Variants in MICU3 observed in about 807,000 individuals in gnomAD.
MICU3 encodes the protein mitochondrial calcium uptake 3, also known as calcium uptake protein 3, mitochondrial.
MICU3 carries 62 observed loss-of-function variants against 66.5 expected under a neutral mutation model. The ratio of observed to expected loss-of-function variants is 0.93; its 90% confidence interval spans 0.76 to 1.15. The LOEUF is 1.15. Ranked by LOEUF, MICU3 falls within the 50% of genes most tolerant of loss-of-function variation. The pLI is 0.00. For missense variants in MICU3, 779 were observed against 664.4 expected (o/e 1.17, Z -1.90); for synonymous variants, 308 against 240.7 (o/e 1.28, Z -2.59).
chr8:17,070,398 G>C (rs1036330566), intron 3 of MICU3, among the ~76,000 whole-genome samples: 1 of 151,976 alleles, frequency 6.6e-6, no homozygotes, highest in East Asian at 1.9e-4. Context: ...AATTCTATTT[G>C]TATAAAGTCC....
In MICU3 at chr8:17,086,996, G is replaced by A. The variant is rs578221124; in HGVS notation, c.810G>A (p.Lys270=). 6.2e-7 allele frequency: 1 copy of A among 1,606,662 alleles called. No individual in the cohort carries two copies. The highest frequency in any genetic ancestry group is 1.7e-5 in the Admixed American group (1 of 59,726). ...LQEIFRKKNE[K]REIKGDEEKR... Reference sequence around the variant, plus strand: ...AGATATTCAGGAAAAAAAATGAAAAGAGAGAAATTAAAGGAGATGAAGAAA... The same window carrying A: ...AGATATTCAGGAAAAAAAATGAAAAAAGAGAAATTAAAGGAGATGAAGAAA... Residue 270 remains lysine, a synonymous_variant, in exon 7 of 15, where the codon AAG becomes AAA. Coordinates refer to ENST00000318063, the MANE Select transcript of MICU3 (RefSeq NM_181723.3).
chr8:17,034,178 GT>G (rs1441347142), intron 1 of MICU3, among the ~76,000 whole-genome samples: 4 of 152,304 alleles, frequency 2.6e-5, no homozygotes, highest in East Asian at 1.9e-4. Context: ...CCTGTGTTAT[GT>G]TAGGGGGACT....
At chr8:17,081,231 A>T (rs932218534) in intron 4 of MICU3, among the ~76,000 whole-genome samples, 4 of 152,156 alleles carry the variant, frequency 2.6e-5, no homozygotes, top group Non-Finnish European at 4.4e-5. Flanking sequence ...AATGCGAAAC[A>T]TCACATTTCT....
chr8:17,118,598 T>C lies in MICU3; in HGVS notation c.1525-109T>C, dbSNP rs192496997. 52 of 657,048 alleles carry C rather than the reference T, an allele frequency of 7.9e-5. No homozygotes were observed. The African/African-American group carries it at 9.1e-4, about 11-fold the overall frequency. 40.7% of individuals were successfully genotyped at this position (657,048 alleles called of 1,614,324 possible). ...GCCTTCCAGCCTCTGGTAATTAACA[T>C]TCTACTCTCCACTTCTATGAGTTTG... On this transcript the variant is annotated intron_variant, in intron 13 of 14. Coordinates refer to ENST00000318063, the MANE Select transcript of MICU3 (RefSeq NM_181723.3).
chr8:17,079,797 A>T (rs1820902165), intron 4 of MICU3, among the ~76,000 whole-genome samples: 1 of 152,090 alleles, frequency 6.6e-6, no homozygotes, highest in South Asian at 2.1e-4. Flanking sequence ...GCCTGGCTAA[A>T]GACTAATTTT....
chr8:17,137,705 C>CTTTT, the MICU3 span, among the ~76,000 whole-genome samples: 4 of 102,882 alleles, frequency 3.9e-5, no homozygotes, highest in African/African-American at 6.6e-5. Context: ...TTTTCTTTTC[C>CTTTT]TTTTTTTTTT....
chr8:17,075,881 C>T (rs1438678717), intron 3 of MICU3, among the ~76,000 whole-genome samples: 1 of 150,296 alleles, frequency 6.7e-6, no homozygotes, highest in East Asian at 1.9e-4. Context: ...CAGTCTTACA[C>T]TGTAGCTGAG....
chr8:17,033,577 C>G (rs1477368134), intron 1 of MICU3, among the ~76,000 whole-genome samples: 3 of 152,186 alleles, frequency 2.0e-5, no homozygotes, highest in South Asian at 4.2e-4. Flanking sequence ...GCTGGGACTG[C>G]AGGCTCCCAC....
chr8:17,111,832 A>G (rs112553930), intron 11 of MICU3, among the ~76,000 whole-genome samples: 1 of 152,314 alleles, frequency 6.6e-6, no homozygotes, highest in African/African-American at 2.4e-5. Context: ...CACTGCTATA[A>G]AGAGATGCTT....
chr8:17,101,693 A>T (rs954455420), intron 9 of MICU3, among the ~76,000 whole-genome samples: 1 of 151,916 alleles, frequency 6.6e-6, no homozygotes, highest in Non-Finnish European at 1.5e-5. Flanking sequence ...TAATTATGTT[A>T]TCTGAATTCA....
the MICU3 span, among the ~76,000 whole-genome samples, chr8:17,133,917 T>C: frequency 6.6e-6 from 1 of 152,230 alleles, no homozygotes; most frequent in African/African-American, 2.4e-5. Flanking sequence ...CTACATTGTT[T>C]TACTTACTTT....
At chr8:17,046,054 A>G (rs895383232) in intron 1 of MICU3, among the ~76,000 whole-genome samples, 1 of 152,206 alleles carries the variant, frequency 6.6e-6, no homozygotes, top group African/African-American at 2.4e-5. Context: ...TAATAAGCCG[A>G]TAAATGTAAG....
At chr8:17,042,931 ATTTTTTTTTTTTTT>A (rs996846253) in intron 1 of MICU3, among the ~76,000 whole-genome samples, 6 of 82,158 alleles carry the variant, frequency 7.3e-5, no homozygotes, top group Non-Finnish European at 1.1e-4. Flanking sequence ...ATTCAAAGTG[ATTTTTTTTTTTTTT>A]TTTTTTTTTT....
chr8:17,132,777 T>C, the MICU3 span: 2 of 152,206 alleles, frequency 1.3e-5, no homozygotes, highest in East Asian at 1.9e-4. Flanking sequence ...ATTCTGCAAG[T>C]GTGTTATTAG....
intron 1 of MICU3, among the ~76,000 whole-genome samples, chr8:17,060,414 T>G (rs1190211142): frequency 1.3e-5 from 2 of 152,060 alleles, no homozygotes; most frequent in Non-Finnish European, 2.9e-5. Flanking sequence ...TTCAAGTGAT[T>G]CTCCTGCCTC....
At chr8:17,081,283 A>G (rs1473779316) in intron 4 of MICU3, among the ~76,000 whole-genome samples, 1 of 152,140 alleles carries the variant, frequency 6.6e-6, no homozygotes, top group Non-Finnish European at 1.5e-5. Context: ...GTTACTAAAA[A>G]GTAATTAAGC....
intron 12 of MICU3, among the ~76,000 whole-genome samples, chr8:17,114,868 C>T (rs1802536322): frequency 6.6e-6 from 1 of 151,890 alleles, no homozygotes; most frequent in South Asian, 2.1e-4. Context: ...GCCTGTAATC[C>T]CAGCACTTTG....
intron 1 of MICU3, among the ~76,000 whole-genome samples, chr8:17,038,204 C>T (rs970174584): frequency 3.3e-5 from 5 of 152,080 alleles, no homozygotes; most frequent in Admixed American, 2.6e-4. Flanking sequence ...TATGGTTTGG[C>T]TGTGTGTCCC....
At chr8:17,099,305 G>C (rs1801049182) in intron 9 of MICU3, among the ~76,000 whole-genome samples, 2 of 151,760 alleles carry the variant, frequency 1.3e-5, no homozygotes, top group African/African-American at 2.4e-5. Flanking sequence ...AATAAATACT[G>C]AGATTTGTTT....
Sources: gnomAD v4.1 joint callset for allele counts (sites outside exome capture counted in the v4.1 genomes callset) on GRCh38, gnomAD v4.1.1 for gene constraint, MANE v1.5 for transcripts, NCBI Gene and HGNC (gene_info 2026-07-23, HGNC 2026-07-21) for gene names.